Variants in FGF14 observed in about 807,000 individuals in gnomAD.
FGF14 encodes the protein fibroblast growth factor homologous factor 4.
Under a neutral mutation model 25.5 loss-of-function variants are expected in FGF14, and 5 were observed. That is an observed-to-expected ratio of 0.20 (90% confidence interval 0.10 to 0.41). FGF14 has a LOEUF of 0.41. FGF14 is among the 10% of genes least tolerant of loss of function. The probability of loss-of-function intolerance (pLI) is 1.00; values close to 1 mark genes in which losing one functional copy is unlikely to be tolerated. For synonymous variants in FGF14, 138 were observed against 118.3 expected (o/e 1.17, Z -1.08); for missense variants, 222 against 320.1 (o/e 0.69, Z 2.34).
At chr13:102,164,022 C>G (rs113807853) in intron 1 of FGF14, among the ~76,000 whole-genome samples, 2 of 152,248 alleles carry the variant, frequency 1.3e-5, no homozygotes, top group African/African-American at 4.8e-5. Context: ...AAGACCATGT[C>G]CTTTCTCCCT....
At chr13:102,329,030 A>AT (rs1216599250) in intron 1 of FGF14, among the ~76,000 whole-genome samples, 2 of 152,194 alleles carry the variant, frequency 1.3e-5, no homozygotes, top group African/African-American at 4.8e-5. Context: ...CTGACCTCTC[A>AT]GACTGTCACC....
chr13:101,810,441 T>C (rs531768353), intron 3 of FGF14, among the ~76,000 whole-genome samples: 26 of 152,286 alleles, frequency 1.7e-4, no homozygotes, highest in African/African-American at 5.8e-4. Context: ...ATACCATAAT[T>C]CACATTATAC....
chr13:101,952,800 G>T (rs564803339), intron 1 of FGF14, among the ~76,000 whole-genome samples: 2 of 152,286 alleles, frequency 1.3e-5, no homozygotes, highest in East Asian at 3.9e-4. Flanking sequence ...GGAGGCCAAG[G>T]CAGGCGGATT....
chr13:101,744,724 G>T (rs1164406267), intron 3 of FGF14, among the ~76,000 whole-genome samples: 1 of 151,972 alleles, frequency 6.6e-6, no homozygotes, highest in East Asian at 1.9e-4. Flanking sequence ...ATCTAGAGCT[G>T]CAAAACAAAA....
At chr13:102,274,980 A>T (rs1281944979) in intron 1 of FGF14, among the ~76,000 whole-genome samples, 1 of 151,908 alleles carries the variant, frequency 6.6e-6, no homozygotes, top group African/African-American at 2.4e-5. Flanking sequence ...ACAGCATTCA[A>T]CTCATAAGTA....
intron 1 of FGF14, among the ~76,000 whole-genome samples, chr13:102,006,619 T>A (rs955594449): frequency 6.7e-6 from 1 of 150,320 alleles, no homozygotes; most frequent in African/African-American, 2.4e-5. Context: ...GCAACCAAAC[T>A]GAATTTTGAA....
At chr13:102,162,984 C>A (rs764956832) in intron 1 of FGF14, among the ~76,000 whole-genome samples, 2 of 152,108 alleles carry the variant, frequency 1.3e-5, no homozygotes, top group Non-Finnish European at 2.9e-5. Flanking sequence ...TTGGAGAAAC[C>A]TATCTGATTG....
At chr13:102,216,220 G>A (rs767631617) in intron 1 of FGF14, among the ~76,000 whole-genome samples, 4 of 152,192 alleles carry the variant, frequency 2.6e-5, no homozygotes, top group Non-Finnish European at 4.4e-5. Context: ...ATACCTCTGA[G>A]TAGCTCTGAG....
intron 1 of FGF14, among the ~76,000 whole-genome samples, chr13:102,009,752 T>C (rs926327551): frequency 5.0e-4 from 76 of 152,136 alleles, no homozygotes; most frequent in African/African-American, 1.8e-3. Flanking sequence ...CATTTATAAG[T>C]AGGTAAACTA....
intron 1 of FGF14, among the ~76,000 whole-genome samples, chr13:102,319,709 C>G (rs2138746589): frequency 6.6e-6 from 1 of 152,330 alleles, no homozygotes; most frequent in South Asian, 2.1e-4. Flanking sequence ...TTGTGTTCTT[C>G]TATTAACTCT....
rs1360715678 is a variant in FGF14 at position 102,144,539 on chromosome 13, GAT to G, written c.208+256930_208+256931del. Reference sequence around the variant, plus strand: ...GATTTAATATAAGTGTGTTATATATGATAGTTATATATAAATAAAAGAGAATA... The same window carrying G: ...GATTTAATATAAGTGTGTTATATATGAGTTATATATAAATAAAAGAGAATA... On this transcript the variant is annotated intron_variant, in intron 1 of 4. Coordinates refer to the FGF14 transcript ENST00000376131. Among the ~76,000 whole-genome samples, 3 of 150,366 alleles carry G rather than the reference GAT, an allele frequency of 2.0e-5. No individual in the cohort carries two copies. The East Asian group carries it at 5.8e-4, about 29-fold the overall frequency.
intron 1 of FGF14, among the ~76,000 whole-genome samples, chr13:102,202,109 G>C (rs533987389): frequency 6.6e-6 from 1 of 152,126 alleles, no homozygotes; most frequent in South Asian, 2.1e-4. Flanking sequence ...CCTTCACCGC[G>C]ACTGTAAGTT....
At chr13:102,083,105 ATCTT>A (rs1218129258) in intron 1 of FGF14, among the ~76,000 whole-genome samples, 1 of 152,204 alleles carries the variant, frequency 6.6e-6, no homozygotes, top group African/African-American at 2.4e-5. Flanking sequence ...GTTCCTTGAT[ATCTT>A]TCTATCTCTC....
intron 1 of FGF14, among the ~76,000 whole-genome samples, chr13:101,928,954 A>G (rs541580298): frequency 2.8e-4 from 42 of 152,324 alleles, no homozygotes; most frequent in Non-Finnish European, 5.7e-4. Context: ...AATGTTTGCA[A>G]AATAGGCCTC....
chr13:101,920,884 C>G (rs1388307994), upstream of FGF14, among the ~76,000 whole-genome samples: 1 of 152,128 alleles, frequency 6.6e-6, no homozygotes, highest in African/African-American at 2.4e-5. Context: ...TGATGAGGGT[C>G]TATGAGAAAG....
upstream of FGF14, among the ~76,000 whole-genome samples, chr13:101,917,598 C>T (rs562421960): frequency 1.3e-5 from 2 of 152,006 alleles, no homozygotes; most frequent in East Asian, 3.9e-4. Context: ...TCCGCCCTCC[C>T]TGCTAATCCC....
chr13:101,736,049 A>C (rs1200979168), intron 3 of FGF14, among the ~76,000 whole-genome samples: 1 of 152,196 alleles, frequency 6.6e-6, no homozygotes, highest in African/African-American at 2.4e-5. Context: ...TTTGACAAAT[A>C]CTCAGGCATC....
intron 1 of FGF14, among the ~76,000 whole-genome samples, chr13:102,182,087 A>G (rs571851656): frequency 6.6e-6 from 1 of 152,222 alleles, no homozygotes; most frequent in Non-Finnish European, 1.5e-5. Flanking sequence ...TGCATTGTGA[A>G]ATTTATCCTG....
chr13:101,914,393 T>C (rs541030733), intron 1 of FGF14, among the ~76,000 whole-genome samples: 2 of 151,988 alleles, frequency 1.3e-5, no homozygotes, highest in African/African-American at 4.8e-5. Context: ...ATAAGAAATA[T>C]AAGAAGAATA....
Sources: gnomAD v4.1 joint callset for allele counts (sites outside exome capture counted in the v4.1 genomes callset) on GRCh38, gnomAD v4.1.1 for gene constraint, MANE v1.5 for transcripts, NCBI Gene and HGNC (gene_info 2026-07-23, HGNC 2026-07-21) for gene names.